Variants in ACCSL observed in about 807,000 individuals in gnomAD.
The protein encoded by ACCSL is 1-aminocyclopropane-1-carboxylate synthase homolog (inactive) like, also known as probable inactive 1-aminocyclopropane-1-carboxylate synthase-like protein 2.
Under a neutral mutation model 61.7 loss-of-function variants are expected in ACCSL, and 55 were observed. The observed-to-expected ratio is 0.89, with a 90% CI of 0.72 to 1.12. The LOEUF (loss-of-function observed/expected upper bound fraction) is 1.12. Among genes scored for constraint, ACCSL ranks in the 50% most tolerant of loss-of-function variants. The pLI, the probability that ACCSL is intolerant of heterozygous loss-of-function variation, is 0.00. For synonymous variants in ACCSL, 258 were observed against 264.3 expected (o/e 0.98, Z 0.23); for missense variants, 632 against 698.0 (o/e 0.91, Z 1.07).
the ACCSL span, among the ~76,000 whole-genome samples, chr11:43,985,379 AGCC>A: frequency 6.6e-6 from 1 of 152,104 alleles, no homozygotes; most frequent in South Asian, 2.1e-4. Flanking sequence ...GAGATGGGAG[AGCC>A]GAGGCCATGG....
the ACCSL span, among the ~76,000 whole-genome samples, chr11:44,025,113 A>G: frequency 6.6e-6 from 1 of 152,094 alleles, no homozygotes; most frequent in Admixed American, 6.5e-5. Flanking sequence ...ATATAATTGG[A>G]TGATATGTCT....
chr11:44,051,850 C>T, intron 5 of ACCSL, 131 bp downstream of exon 5: 2 of 985,934 alleles, frequency 2.0e-6, no homozygotes, highest in Non-Finnish European at 3.2e-6. Flanking sequence ...TGGGCCTTCT[C>T]CCACACTGAC....
chr11:43,974,779 G>A, the ACCSL span, among the ~76,000 whole-genome samples: 1 of 152,180 alleles, frequency 6.6e-6, no homozygotes, highest in Non-Finnish European at 1.5e-5. Context: ...ACAGCCACAT[G>A]AGTAACCTTG....
At chr11:43,980,376 T>G in the ACCSL span, among the ~76,000 whole-genome samples, 2 of 152,224 alleles carry the variant, frequency 1.3e-5, no homozygotes, top group Non-Finnish European at 2.9e-5. Flanking sequence ...TTGGAGCAAT[T>G]TATGTTTTCA....
the ACCSL span, among the ~76,000 whole-genome samples, chr11:43,984,564 T>C: frequency 2.0e-5 from 3 of 152,208 alleles, no homozygotes; most frequent in Non-Finnish European, 2.9e-5. Context: ...AATCCAGGAA[T>C]GCTGGGACCA....
chr11:44,006,568 C>T, the ACCSL span, among the ~76,000 whole-genome samples: 1 of 139,760 alleles, frequency 7.2e-6, no homozygotes, highest in Non-Finnish European at 1.5e-5. Context: ...TGCAGTGGTG[C>T]AATCTCGGCT....
chr11:43,988,918 A>G, the ACCSL span, among the ~76,000 whole-genome samples: 2 of 148,580 alleles, frequency 1.3e-5, no homozygotes, highest in African/African-American at 5.0e-5. Flanking sequence ...CTATAGGTAC[A>G]TGCCACCACA....
At chr11:44,033,763 G>T in the ACCSL span, among the ~76,000 whole-genome samples, 3 of 146,502 alleles carry the variant, frequency 2.0e-5, no homozygotes, top group Admixed American at 1.3e-4. Context: ...GACCTTGTTT[G>T]GGGGGAGAGT....
rs201063837 is a variant in ACCSL at position 44,048,242 on chromosome 11, C to A, written c.206C>A (p.Ala69Asp). ...RHTEAICEHE[A>D]LLSRLICRMI... is the part of the protein sequence containing the mutation. ...ACTGAGGCCATCTGTGAGCATGAAG[C>A]CCTTCTGAGTCGCTTAATATGCCGG... is the stretch of plus-strand genomic sequence containing the variant. Residue 69 changes from alanine to aspartate, a missense_variant, in exon 1 of 14, where the codon GCC becomes GAC. Transcript: ENST00000378832. 2.5e-6 allele frequency: 4 copies of A among 1,614,162 alleles called. No homozygotes were observed. The African/African-American group carries it at 4.0e-5, about 16-fold the overall frequency.
In ACCSL at chr11:44,048,558, G is replaced by A. The variant is rs1276337467; in HGVS notation, c.504+18G>A. The A allele has an allele frequency of 3.7e-5, 8 of 217,654 alleles. No individual in the cohort carries two copies. Among genetic ancestry groups the A allele is most frequent in the East Asian group, 1.3e-4 (1 of 7,566 alleles). 13.5% of individuals were successfully genotyped at this position (217,654 alleles called of 1,614,324 possible). A position where few individuals can be genotyped will look rare whatever the true frequency, so the allele number is the denominator to read the frequency against. On this transcript the variant is annotated intron_variant, in intron 1 of 13. Transcript: ENST00000378832. The stretch of plus-strand genomic sequence containing the variant: ...ACACCTTGGTGAGAATTTGGGGTGG[G>A]GGGTGGGCAGCATCCTCACGGGCTC...
the ACCSL span, among the ~76,000 whole-genome samples, chr11:44,023,465 A>T: frequency 6.6e-6 from 1 of 151,756 alleles, no homozygotes; most frequent in Non-Finnish European, 1.5e-5. Flanking sequence ...TTCGCTTATG[A>T]TCCTTTTTAT....
intron 1 of ACCSL, among the ~76,000 whole-genome samples, chr11:44,048,858 A>C: frequency 6.6e-6 from 1 of 152,184 alleles, no homozygotes; most frequent in East Asian, 1.9e-4. Flanking sequence ...GGAGTCAGCC[A>C]CTGGGGCACA....
At chr11:43,991,996 C>T in the ACCSL span, among the ~76,000 whole-genome samples, 1 of 151,880 alleles carries the variant, frequency 6.6e-6, no homozygotes, top group Non-Finnish European at 1.5e-5. Flanking sequence ...AATCCCCTCC[C>T]TCCCCATCTT....
chr11:43,932,648 C>G, the ACCSL span, among the ~76,000 whole-genome samples: 1 of 152,198 alleles, frequency 6.6e-6, no homozygotes, highest in African/African-American at 2.4e-5. Context: ...TGCCCTCATG[C>G]TGTTACCCCT....
chr11:43,933,170 T>C, the ACCSL span: 3 of 456,110 alleles, frequency 6.6e-6, no homozygotes, highest in South Asian at 1.5e-5. Context: ...GCTTGCTTTA[T>C]GGAATCATGG....
chr11:43,987,934 C>A, the ACCSL span, among the ~76,000 whole-genome samples: 32 of 152,196 alleles, frequency 2.1e-4, no homozygotes, highest in East Asian at 9.7e-4. Context: ...CCCCCACCCC[C>A]CCGCAGGGAA....
At chr11:43,954,406 C>T in the ACCSL span, among the ~76,000 whole-genome samples, 3 of 151,938 alleles carry the variant, frequency 2.0e-5, no homozygotes, top group Non-Finnish European at 2.9e-5. Flanking sequence ...AAAATGGGGG[C>T]GGGGTTATAG....
chr11:43,980,193 T>C, the ACCSL span, among the ~76,000 whole-genome samples: 4 of 152,240 alleles, frequency 2.6e-5, no homozygotes, highest in Admixed American at 1.3e-4. Flanking sequence ...CCATAGTTTA[T>C]TTATTTAATC....
At chr11:44,057,232 C>G (rs1952676913) in intron 11 of ACCSL, among the ~76,000 whole-genome samples, 1 of 152,206 alleles carries the variant, frequency 6.6e-6, no homozygotes, top group African/African-American at 2.4e-5. Flanking sequence ...GACTCACTTT[C>G]TTTAGTTCCC....
Sources: allele counts gnomAD v4.1 joint callset (sites outside exome capture counted in the v4.1 genomes callset), GRCh38; gene constraint gnomAD v4.1.1; transcripts MANE v1.5; gene names NCBI Gene and HGNC (gene_info 2026-07-23, HGNC 2026-07-21).